Variants in DGKK observed in about 807,000 individuals in gnomAD.
DGKK encodes diacylglycerol kinase kappa.
In DGKK, 35 loss-of-function variants were observed where a neutral mutation model predicts 92.2. The observed-to-expected ratio is 0.38, with a 90% confidence interval of 0.29 to 0.50. The LOEUF is 0.50. DGKK is among the 20% of genes least tolerant of loss of function. The probability of loss-of-function intolerance (pLI) is 0.92; values close to 1 mark genes in which losing one functional copy is unlikely to be tolerated. For synonymous variants in DGKK, 368 were observed against 360.6 expected (o/e 1.02, Z -0.23); for missense variants, 910 against 992.2 (o/e 0.92, Z 1.11).
rs368674338 is a variant in DGKK, at chrX:50,392,426, G to A, written c.1619C>T (p.Ala540Val). 1 of 1,211,040 alleles carries A rather than the reference G, an allele frequency of 8.3e-7. No homozygotes were observed. The change falls in exon 10 of 28, where the codon GCT (alanine) becomes GTT (valine). Residue 540 changes from alanine (A) to valine (V), a missense_variant. Coordinates refer to ENST00000611977, the MANE Select transcript of DGKK (RefSeq NM_001013742.4). The stretch of plus-strand genomic sequence containing the variant: ...ACCACAAACCAGAATGCGAAAGCGA[G>A]CAAAGTTCTTGAACATAGACAGCCT... ...EAGLSMFKNFARFRILVCGGD... is the reference protein window; with the variant it reads ...EAGLSMFKNFVRFRILVCGGD...
chrX:50,390,597 T>A (rs782374328), intron 11 of DGKK, among the ~76,000 whole-genome samples, 188 bp from the exon 12 acceptor site: 8 of 111,568 alleles, frequency 7.2e-5, no homozygotes, highest in Non-Finnish European at 1.3e-4. Context: ...GTCTCATGAC[T>A]TCTGTAGGCC....
At chrX:50,395,204 G>C (rs1557225972) in intron 8 of DGKK, among the ~76,000 whole-genome samples, 3 of 111,712 alleles carry the variant, frequency 2.7e-5, no homozygotes, top group Non-Finnish European at 5.6e-5. Flanking sequence ...AACTTTTTAT[G>C]TGCTTGCTCC....
rs1011362487 is a variant in DGKK at position 50,395,598 on chromosome X, C to T, written c.1412-2263G>A. ...CTGTGTACTATTTGGGCCTCAGTTT[C>T]CTTATCTTCAAAATGAATCATTCAA... On this transcript the variant is annotated intron_variant, in intron 8 of 27. Transcript: ENST00000611977. Among the ~76,000 whole-genome samples, 5 of 111,259 alleles carry T rather than the reference C, an allele frequency of 4.5e-5. No homozygotes were observed. In the Admixed American group the frequency reaches 4.8e-4, roughly 11 times the overall value.
chrX:50,385,707 G>A (rs1924527665), intron 15 of DGKK, among the ~76,000 whole-genome samples: 3 of 111,835 alleles, frequency 2.7e-5, no homozygotes, highest in Non-Finnish European at 5.6e-5. Context: ...CTTCTGCTCA[G>A]TTCCAATAGT....
At chrX:50,429,049 T>C (rs781787919) in intron 1 of DGKK, among the ~76,000 whole-genome samples, 3 of 111,982 alleles carry the variant, frequency 2.7e-5, no homozygotes, top group Non-Finnish European at 5.6e-5. Context: ...AAATGCATCC[T>C]GCCAAGGGAG....
intron 1 of DGKK, among the ~76,000 whole-genome samples, chrX:50,426,126 T>C (rs1379671805): frequency 8.9e-6 from 1 of 112,288 alleles, no homozygotes; most frequent in South Asian, 3.7e-4. Context: ...CAACTTGTTC[T>C]GCTCTGTTAA....
rs1240854241 is a variant in DGKK, at chrX:50,375,031, A to T, written c.3441T>A (p.Asp1147Glu). 10 of 1,205,441 alleles carry T rather than the reference A, an allele frequency of 8.3e-6. No individual in the cohort carries two copies. In the Admixed American group the frequency reaches 2.0e-4, roughly 24 times the overall value. ...IETLSRNDAVDVTFSLKGLYD... is the reference protein window; with the variant it reads ...IETLSRNDAVEVTFSLKGLYD... ...AGAGACCTTTAAGACTAAATGTAAC[A>T]TCTACGGCATCATTTCTGCTTAGAG... Residue 1147 changes from aspartate to glutamate, a missense_variant, in exon 25 of 28, where the codon GAT (aspartate) becomes GAA (glutamate). Physicochemically the swap from Asp to Glu is conservative, Grantham distance 45 (BLOSUM62 2). Coordinates refer to ENST00000611977, the MANE Select transcript of DGKK (RefSeq NM_001013742.4).
chrX:50,440,758 C>T (rs1485160755), intron 1 of DGKK, among the ~76,000 whole-genome samples: 1 of 111,586 alleles, frequency 9.0e-6, no homozygotes, highest in South Asian at 3.7e-4. Flanking sequence ...AGTTCCTCCT[C>T]TTCCATTTAC....
chrX:50,469,617 GC>G (rs1419361090), intron 1 of DGKK, among the ~76,000 whole-genome samples: 1 of 112,708 alleles, frequency 8.9e-6, no homozygotes, highest in Non-Finnish European at 1.9e-5. Flanking sequence ...AGTGACCGCG[GC>G]TAAGAGGTGT....
chrX:50,382,497 T>G lies in DGKK; in HGVS notation c.2656A>C (p.Asn886His), dbSNP rs1557224541. 1 of 1,196,365 alleles carries G rather than the reference T, an allele frequency of 8.4e-7. No homozygotes were observed. The highest frequency in any genetic ancestry group is 1.8e-5 in the South Asian group (1 of 55,064). The change falls in exon 18 of 28, where the codon AAT (asparagine) becomes CAT (histidine). Residue 886 changes from asparagine to histidine, a missense_variant and splice_region_variant. Physicochemically the swap from Asn to His is moderately conservative, Grantham distance 68 (BLOSUM62 1). Coordinates refer to ENST00000611977, the MANE Select transcript of DGKK (RefSeq NM_001013742.4). ...GGGAAGGGAGTTTCTTTTCCTTACT[T>G]GTATTGCCCTGGGTGTTCATCTCTT... ...TRRDEHPGQY[N>H]SRLKNKMWYG... is the part of the protein sequence containing the mutation.
Position 50,365,641 on chromosome X carries a change from A to G in DGKK, c.*3299T>C, listed in dbSNP as rs1299283555. ...AAAAAACACAGAGCAGAAAACAACA[A>G]TGGGTTACAGATTCACTGACAAATA... On this transcript the variant is annotated 3_prime_UTR_variant, in exon 28 of 28. Transcript: ENST00000611977. 9.0e-6 allele frequency: 1 copy of G among 111,270 alleles called. No individual in the cohort carries two copies. The highest frequency in any genetic ancestry group is 1.9e-5 in the Non-Finnish European group (1 of 53,096). 9.2% of individuals were successfully genotyped at this position (111,270 alleles called of 1,213,427 possible).
intron 1 of DGKK, among the ~76,000 whole-genome samples, chrX:50,444,155 C>A (rs782013214): frequency 8.2e-4 from 91 of 111,378 alleles, no homozygotes; most frequent in African/African-American, 2.9e-3. Context: ...AATAAGTTCT[C>A]ATTTCTCTGG....
Position 50,470,109 on chromosome X carries a change from C to G in DGKK, c.570G>C (p.Glu190Asp). 1 of 1,212,029 alleles carries G rather than the reference C, an allele frequency of 8.3e-7. No individual in the cohort carries two copies. Among genetic ancestry groups the G allele is most frequent in the Non-Finnish European group, 1.1e-6 (1 of 895,457 alleles). ...GCGATGGCGAGGTCTTTAGACCTCT[C>G]TCTCGAGTGTCCACCGGACATTGCA... is the stretch of plus-strand genomic sequence containing the variant. The part of the protein sequence containing the change: ...CLLQCPVDTR[E>D]RGLKTSPSPS... Residue 190 changes from glutamate to aspartate, a missense_variant, in exon 1 of 28, where the codon GAG (glutamate) becomes GAC (aspartate). Coordinates refer to ENST00000611977, the MANE Select transcript of DGKK (RefSeq NM_001013742.4).
chrX:50,414,017 C>T (rs1003584651), intron 4 of DGKK, among the ~76,000 whole-genome samples: 13 of 112,173 alleles, frequency 1.2e-4, no homozygotes, highest in Non-Finnish European at 2.1e-4. Flanking sequence ...CAATGGAATG[C>T]TATTCAGCAT....
chrX:50,436,816 C>T (rs1926040254), intron 1 of DGKK, among the ~76,000 whole-genome samples: 1 of 110,180 alleles, frequency 9.1e-6, no homozygotes, highest in Non-Finnish European at 1.9e-5. Context: ...CTTCTGACTT[C>T]CAGTACAAGG....
At chrX:50,416,121 C>T (rs782205913) in intron 4 of DGKK, among the ~76,000 whole-genome samples, 18 of 111,186 alleles carry the variant, frequency 1.6e-4, no homozygotes, top group Admixed American at 1.3e-3. Flanking sequence ...CAGAAGACTC[C>T]CATCTATGAA....
chrX:50,441,830 T>G (rs781969798), intron 1 of DGKK, among the ~76,000 whole-genome samples: 1 of 112,094 alleles, frequency 8.9e-6, no homozygotes, highest in Admixed American at 9.4e-5. Flanking sequence ...AGAATGTGTG[T>G]GTAGCTATAT....
chrX:50,366,984 T>A lies in DGKK; in HGVS notation c.*1956A>T, dbSNP rs782449942. 8.9e-6 allele frequency: 1 copy of A among 112,750 alleles called. No individual in the cohort carries two copies. The highest frequency in any genetic ancestry group is 2.8e-4 in the East Asian group (1 of 3,583). 9.3% of individuals were successfully genotyped at this position (112,750 alleles called of 1,213,427 possible). ...TTTTCCATTGACTTTCTTCTCTAGT[T>A]GTAGAGCTAGGACTTAGTTTGGCAC... On this transcript the variant is annotated 3_prime_UTR_variant, in exon 28 of 28. Coordinates refer to ENST00000611977, the MANE Select transcript of DGKK (RefSeq NM_001013742.4).
intron 1 of DGKK, among the ~76,000 whole-genome samples, chrX:50,463,069 G>T (rs1557233579): frequency 1.9e-5 from 2 of 105,912 alleles, no homozygotes; most frequent in Non-Finnish European, 3.9e-5. Flanking sequence ...TCCTTATTGT[G>T]GGGGATGGAG....
Sources: gnomAD v4.1 joint callset for allele counts (sites outside exome capture counted in the v4.1 genomes callset) on GRCh38, gnomAD v4.1.1 for gene constraint, MANE v1.5 for transcripts, NCBI Gene and HGNC (gene_info 2026-07-23, HGNC 2026-07-21) for gene names.